The following CNTNAP5 variants were observed in gnomAD, a reference collection of about 807,000 sequenced individuals.
CNTNAP5 encodes the protein contactin associated protein family member 5, also known as contactin-associated protein-like 5.
Under a neutral mutation model 150.2 loss-of-function variants are expected in CNTNAP5, and 72 were observed. That is an observed-to-expected ratio of 0.48 (90% CI 0.40 to 0.58). CNTNAP5 has a LOEUF of 0.58. CNTNAP5 is among the 20% of genes least tolerant of loss of function. The pLI is 0.00. For synonymous variants in CNTNAP5, 672 were observed against 619.8 expected (o/e 1.08, Z -1.25); for missense variants, 1,636 against 1,626.2 (o/e 1.01, Z -0.10).
chr2:124,421,045 C>T (rs182837716), intron 4 of CNTNAP5, among the ~76,000 whole-genome samples: 130 of 152,280 alleles, frequency 8.5e-4, no homozygotes, highest in Admixed American at 1.6e-3. Context: ...TTTAAAACCT[C>T]GTTTTTCCTC....
At chr2:124,509,986 G>A (rs894830423) in intron 8 of CNTNAP5, among the ~76,000 whole-genome samples, 1 of 151,994 alleles carries the variant, frequency 6.6e-6, no homozygotes, top group Non-Finnish European at 1.5e-5. Context: ...TGGATTGCTT[G>A]AGGTCAGGAG....
intron 3 of CNTNAP5, among the ~76,000 whole-genome samples, chr2:124,270,260 G>T (rs1451196301): frequency 1.8e-4 from 27 of 151,694 alleles, no homozygotes; most frequent in Admixed American, 1.8e-3. Context: ...AGGGAGCCGA[G>T]ATTGCACCAC....
At chr2:124,806,251 G>A (rs1356798325) in intron 19 of CNTNAP5, among the ~76,000 whole-genome samples, 1 of 152,106 alleles carries the variant, frequency 6.6e-6, no homozygotes. Context: ...AGTAGGAGGA[G>A]AAGTTACATA....
chr2:124,724,944 T>A (rs1165209879), intron 13 of CNTNAP5, among the ~76,000 whole-genome samples: 3 of 149,418 alleles, frequency 2.0e-5, no homozygotes, highest in African/African-American at 5.0e-5. Flanking sequence ...TTTTTTTTTT[T>A]AAAGGAGATT....
chr2:124,147,032 A>G (rs1400895648), intron 1 of CNTNAP5, among the ~76,000 whole-genome samples: 2 of 152,166 alleles, frequency 1.3e-5, no homozygotes, highest in African/African-American at 4.8e-5. Flanking sequence ...AGCATTTATA[A>G]CAAGTACTCT....
At chr2:124,191,031 G>A (rs1182869562) in intron 1 of CNTNAP5, among the ~76,000 whole-genome samples, 1 of 152,080 alleles carries the variant, frequency 6.6e-6, no homozygotes, top group East Asian at 1.9e-4. Flanking sequence ...CTTTTTTTGA[G>A]ACATATTTTA....
chr2:124,585,436 G>A (rs1696506572), intron 11 of CNTNAP5, among the ~76,000 whole-genome samples: 1 of 152,162 alleles, frequency 6.6e-6, no homozygotes, highest in Non-Finnish European at 1.5e-5. Context: ...AAGTCTAACA[G>A]GAAGAATGGA....
At chr2:124,633,625 C>A (rs1677910010) in intron 12 of CNTNAP5, among the ~76,000 whole-genome samples, 1 of 152,210 alleles carries the variant, frequency 6.6e-6, no homozygotes, top group Non-Finnish European at 1.5e-5. Context: ...CATAGCTCTA[C>A]TAGGCAGTGC....
At chr2:124,277,247 C>T (rs1687905289) in intron 3 of CNTNAP5, among the ~76,000 whole-genome samples, 1 of 152,150 alleles carries the variant, frequency 6.6e-6, no homozygotes, top group East Asian at 1.9e-4. Context: ...GCAAGATGGG[C>T]TTGGCCTCAG....
intron 1 of CNTNAP5, among the ~76,000 whole-genome samples, chr2:124,046,330 A>C (rs1681532950): frequency 6.6e-6 from 1 of 152,072 alleles, no homozygotes; most frequent in Admixed American, 6.6e-5. Flanking sequence ...ATTAATAGGA[A>C]TGAACATTTT....
intron 12 of CNTNAP5, among the ~76,000 whole-genome samples, chr2:124,618,598 C>T (rs140011924): frequency 2.6e-5 from 4 of 152,172 alleles, no homozygotes; most frequent in Non-Finnish European, 5.9e-5. Context: ...TTCTATGCTC[C>T]CCTCTGATGA....
At position 124,348,076 on chromosome 2, in the gene CNTNAP5, C is replaced by T. The variant is rs540242942; in HGVS notation, c.382-69367C>T. 1.1e-4 allele frequency among the ~76,000 whole-genome samples: 16 copies of T among 152,168 alleles called. No homozygotes were observed. The South Asian group carries it at 2.9e-3, about 28-fold the overall frequency. ...CGATCTCCTGACCTAGTGAGCCGCC[C>T]GCGTCGGCCTCCCTGATAATTTTTA... is the stretch of plus-strand genomic sequence containing the variant. On this transcript the variant is annotated intron_variant, in intron 3 of 23. Coordinates refer to ENST00000682447, the MANE Select transcript of CNTNAP5 (RefSeq NM_001367498.1).
chr2:124,242,859 TA>T (rs1402778092), intron 3 of CNTNAP5, among the ~76,000 whole-genome samples: 82 of 152,332 alleles, frequency 5.4e-4, no homozygotes, highest in African/African-American at 1.8e-3. Context: ...TGGTAATCTT[TA>T]AAATCTGGCC....
chr2:124,413,603 T>C (rs1269732044), intron 3 of CNTNAP5, among the ~76,000 whole-genome samples: 2 of 124,308 alleles, frequency 1.6e-5, no homozygotes, highest in Non-Finnish European at 3.4e-5. Flanking sequence ...AAATTGGAAA[T>C]CATCATTCTC....
chr2:124,611,531 T>C (rs1268334170), intron 12 of CNTNAP5, among the ~76,000 whole-genome samples: 1 of 152,228 alleles, frequency 6.6e-6, no homozygotes, highest in Non-Finnish European at 1.5e-5. Context: ...TGTGGTAACC[T>C]ATAGTGTTCA....
chr2:124,819,042 C>G (rs919255387), intron 19 of CNTNAP5, among the ~76,000 whole-genome samples: 1 of 152,138 alleles, frequency 6.6e-6, no homozygotes, highest in Non-Finnish European at 1.5e-5. Flanking sequence ...TGACCACAGG[C>G]TGCCATTTGA....
intron 1 of CNTNAP5, among the ~76,000 whole-genome samples, chr2:124,039,023 A>T (rs1328113242): frequency 1.3e-5 from 2 of 152,208 alleles, no homozygotes; most frequent in Non-Finnish European, 2.9e-5. Flanking sequence ...AAATAAGCAG[A>T]CGCTTTATTC....
intron 13 of CNTNAP5, among the ~76,000 whole-genome samples, chr2:124,677,990 T>A (rs1678983383): frequency 6.6e-6 from 1 of 151,966 alleles, no homozygotes; most frequent in South Asian, 2.1e-4. Flanking sequence ...CGTTGCAGTT[T>A]TTATCATGTT....
At chr2:124,688,193 T>C (rs1679230890) in intron 13 of CNTNAP5, among the ~76,000 whole-genome samples, 1 of 152,112 alleles carries the variant, frequency 6.6e-6, no homozygotes, top group Non-Finnish European at 1.5e-5. Context: ...GATTCTCTAA[T>C]TGGACTTTGT....
Sources: gnomAD v4.1 joint callset for allele counts (sites outside exome capture counted in the v4.1 genomes callset) on GRCh38, gnomAD v4.1.1 for gene constraint, MANE v1.5 for transcripts, NCBI Gene and HGNC (gene_info 2026-07-23, HGNC 2026-07-21) for gene names.